Variants in SOX13 observed in about 807,000 individuals in gnomAD.
SOX13 encodes SRY-box transcription factor 13, also known as transcription factor SOX-13.
Under a neutral mutation model 71.8 loss-of-function variants are expected in SOX13, and 28 were observed. That is an observed-to-expected ratio of 0.39 (90% CI 0.29 to 0.53). The LOEUF (loss-of-function observed/expected upper bound fraction) is 0.53, where lower values mean the gene tolerates loss of function less well. Among genes scored for constraint, SOX13 ranks in the 20% least tolerant of loss-of-function variants. The pLI, the probability that SOX13 is intolerant of heterozygous loss-of-function variation, is 0.70. For missense variants in SOX13, 627 were observed against 810.3 expected, an observed-to-expected ratio of 0.77 and a Z score of 2.75; for synonymous variants, 309 against 317.8, an observed-to-expected ratio of 0.97 and a Z score of 0.29.
At chr1:204,083,430 A>G (rs1490063379) in intron 1 of SOX13, among the ~76,000 whole-genome samples, 1 of 152,154 alleles carries the variant, frequency 6.6e-6, no homozygotes, top group Non-Finnish European at 1.5e-5. Context: ...TCCTCAACCC[A>G]CAGGGTCTTC....
chr1:204,116,458 A>G, intron 4 of SOX13, 49 bp from the exon 5 acceptor site: 1 of 1,613,126 alleles, frequency 6.2e-7, no homozygotes, highest in Non-Finnish European at 8.5e-7. Context: ...ATGGATGTAT[A>G]GATGAACAAG....
At chr1:204,122,767 G>C in intron 9 of SOX13, 87 bp from the exon 10 acceptor site, 1 of 795,640 alleles carries the variant, frequency 1.3e-6, no homozygotes, top group Non-Finnish European at 2.0e-6. Flanking sequence ...GTGGCATGGC[G>C]GGAAGCTGAT....
Position 204,125,930 on chromosome 1 carries a change from A to G in SOX13, c.1665A>G (p.Ala555=), listed in dbSNP as rs951746178. ...LYPRAAGMPL[A]QPLVEHYVPR... is the part of the protein sequence containing the mutation. ...CTCGGGCAGCAGGCATGCCGCTGGC[A>G]CAGCCACTGGTGGAGCACTATGTCC... The change falls in exon 14 of 14, where the codon GCA becomes GCG. Residue 555 remains alanine (A), a synonymous_variant. Transcript: ENST00000367204. 3 of 1,613,526 alleles carry G rather than the reference A, an allele frequency of 1.9e-6. No homozygotes were observed. Among genetic ancestry groups the G allele is most frequent in the Non-Finnish European group, 2.5e-6 (3 of 1,179,808 alleles).
chr1:204,098,004 G>A lies in SOX13; in HGVS notation c.-1-14911G>A, dbSNP rs962030536. ...CTCCTTAGTAGCTGGGACTACAGGT[G>A]TGTGCCACCACACCTGGCTAATTTT... On this transcript the variant is annotated intron_variant, in intron 1 of 13. Coordinates refer to ENST00000367204, the MANE Select transcript of SOX13 (RefSeq NM_005686.3). 2.0e-5 allele frequency among the ~76,000 whole-genome samples: 3 copies of A among 152,114 alleles called. No individual in the cohort carries two copies. The South Asian group carries it at 6.2e-4, about 32-fold the overall frequency.
rs771229370 is a variant in SOX13 at position 204,113,022 on chromosome 1, C to T, written c.107C>T (p.Ala36Val). Residue 36 changes from alanine to valine, a missense_variant, in exon 2 of 14, where the codon GCC becomes GTC. Physicochemically the swap from Ala to Val is moderately conservative, Grantham distance 64. Transcript: ENST00000367204. The stretch of plus-strand genomic sequence containing the variant: ...GAGAAGAAAGAGCCTTGCCACGAGG[C>T]CCCCCAGGGCTCAGCCACTGCCGCT... ...SEEKKEPCHE[A>V]PQGSATAAEP... The T allele has an allele frequency of 5.6e-6, 9 of 1,612,514 alleles. No homozygotes were observed. The highest frequency in any genetic ancestry group is 1.1e-5 in the South Asian group (1 of 90,868).
intron 1 of SOX13, among the ~76,000 whole-genome samples, chr1:204,101,213 T>C (rs1219444492): frequency 6.6e-6 from 1 of 152,166 alleles, no homozygotes; most frequent in Admixed American, 6.5e-5. Context: ...TGGACCCATT[T>C]CTCCTGCCTC....
intron 1 of SOX13, among the ~76,000 whole-genome samples, chr1:204,092,333 T>C (rs1656164808): frequency 6.6e-6 from 1 of 152,050 alleles, no homozygotes; most frequent in African/African-American, 2.4e-5. Context: ...TTCTTTTTTT[T>C]TGAGACAAGG....
rs746067165 is a variant in SOX13, at chr1:204,126,096, G to A, written c.1831G>A (p.Glu611Lys). The A allele has an allele frequency of 3.1e-6, 5 of 1,614,010 alleles. No homozygotes were observed. The highest frequency in any genetic ancestry group is 4.2e-6 in the Non-Finnish European group (5 of 1,179,874). Reference sequence around the variant, plus strand: ...CGAGGACGAGGACTCGGAGGGCGAAGAGAAGAGCGATGGGGAGTTGGTGGT... The same window carrying A: ...CGAGGACGAGGACTCGGAGGGCGAAAAGAAGAGCGATGGGGAGTTGGTGGT... ...YSEDEDSEGE[E>K]KSDGELVVLT... The change falls in exon 14 of 14, where the codon GAG (glutamate) becomes AAG (lysine). Residue 611 changes from glutamate (E) to lysine (K), a missense_variant. Physicochemically the swap from Glu to Lys is moderately conservative, Grantham distance 56 (BLOSUM62 1). Around this residue, in one of 3 missense-constraint regions of SOX13, gnomAD observed 148 missense variants for 192.7 expected, o/e 0.77. Transcript: ENST00000367204.
chr1:204,122,355 G>A lies in SOX13; in HGVS notation c.980G>A (p.Gly327Asp). ...GTGCCCCGCCCCCCCAGCCATGGAG[G>A]CCCCACGCGGGACCTGCAGTCCAGC... ...SCVPRPPSHGGPTRDLQSSPP... is the reference protein window; with the variant it reads ...SCVPRPPSHGDPTRDLQSSPP... Residue 327 changes from glycine to aspartate, a missense_variant, in exon 9 of 14, where the codon GGC becomes GAC. Gly to Asp is a moderately conservative substitution (Grantham distance 94). Around this residue, in one of 3 missense-constraint regions of SOX13, gnomAD observed 447 missense variants for 532.2 expected, o/e 0.84. Transcript: ENST00000367204. The A allele has an allele frequency of 6.4e-7, 1 of 1,563,788 alleles. No individual in the cohort carries two copies. The highest frequency in any genetic ancestry group is 8.7e-7 in the Non-Finnish European group (1 of 1,153,760).
intron 1 of SOX13, among the ~76,000 whole-genome samples, chr1:204,102,700 G>T (rs1656385614): frequency 6.6e-6 from 1 of 151,338 alleles, no homozygotes; most frequent in Non-Finnish European, 1.5e-5. Flanking sequence ...TGGGGGAAGG[G>T]GGTGGCGGTG....
At position 204,123,524 on chromosome 1, in the gene SOX13, GCTC is replaced by G. The variant is rs1471133553; in HGVS notation, c.1232-130_1232-128del. On this transcript the variant is annotated intron_variant, in intron 11 of 13. Transcript: ENST00000367204. The surrounding 1 kb of genome is among the most constrained non-coding windows in gnomAD (Gnocchi z 5.0). Reference sequence around the variant, plus strand: ...CTTCTGCCCCATCTGCTCCTGCCTTGCTCCTCCTCGGCTGGCTGCTGTGGGAGC... The same window carrying G: ...CTTCTGCCCCATCTGCTCCTGCCTTGCTCCTCGGCTGGCTGCTGTGGGAGC... The G allele has an allele frequency of 3.4e-6, 3 of 889,806 alleles. No homozygotes were observed. Among genetic ancestry groups the G allele is most frequent in the South Asian group, 1.7e-5 (1 of 57,566 alleles). 55.1% of individuals were successfully genotyped at this position (889,806 alleles called of 1,614,324 possible).
chr1:204,093,863 C>T (rs1296711446), intron 1 of SOX13, among the ~76,000 whole-genome samples: 2 of 152,190 alleles, frequency 1.3e-5, no homozygotes, highest in Non-Finnish European at 2.9e-5. Flanking sequence ...GAGGGGCTTC[C>T]ATATGTGACC....
intron 1 of SOX13, among the ~76,000 whole-genome samples, chr1:204,080,659 A>T (rs1022307194): frequency 6.6e-6 from 1 of 151,912 alleles, no homozygotes; most frequent in East Asian, 1.9e-4. Flanking sequence ...CCCCCAACAA[A>T]GGGGGTGAGG....
chr1:204,097,801 A>G (rs1386273616), intron 1 of SOX13, among the ~76,000 whole-genome samples: 1 of 152,172 alleles, frequency 6.6e-6, no homozygotes, highest in Non-Finnish European at 1.5e-5. Context: ...ATTGTTGTCA[A>G]TGGCCACCTC....
intron 1 of SOX13, among the ~76,000 whole-genome samples, chr1:204,086,805 G>C (rs1656031688): frequency 6.6e-6 from 1 of 152,214 alleles, no homozygotes; most frequent in South Asian, 2.1e-4. Flanking sequence ...AAAGATGTGT[G>C]TGTGCTGGGC....
chr1:204,105,446 C>T (rs943418578), intron 1 of SOX13, among the ~76,000 whole-genome samples: 1 of 135,638 alleles, frequency 7.4e-6, no homozygotes, highest in African/African-American at 3.1e-5. Flanking sequence ...CCCTCAGTCA[C>T]CCAGGCTGGA....
intron 13 of SOX13, among the ~76,000 whole-genome samples, chr1:204,125,538 G>A (rs1464144092): frequency 6.6e-6 from 1 of 152,186 alleles, no homozygotes; most frequent in African/African-American, 2.4e-5. Flanking sequence ...TCTCCAGCAT[G>A]GGTGACAGAG....
chr1:204,098,934 G>A (rs1424995435), intron 1 of SOX13, among the ~76,000 whole-genome samples: 4 of 152,358 alleles, frequency 2.6e-5, no homozygotes, highest in South Asian at 2.1e-4. Flanking sequence ...AGGAGTGAGC[G>A]AAGCTTGTAG....
chr1:204,077,324 G>T lies in SOX13; in HGVS notation c.-2+3613G>T, dbSNP rs944638343. The stretch of plus-strand genomic sequence containing the variant: ...ATGCATCCATCAGAGAGTTTTAAGT[G>T]GGGGAGTGACATGATCTGCTCTATG... On this transcript the variant is annotated intron_variant, in intron 1 of 13. Coordinates refer to ENST00000367204, the MANE Select transcript of SOX13 (RefSeq NM_005686.3). Among the ~76,000 whole-genome samples the T allele has an allele frequency of 3.3e-5, 5 of 152,200 alleles. No individual in the cohort carries two copies. The East Asian group carries it at 9.6e-4, about 29-fold the overall frequency.
Sources: allele counts gnomAD v4.1 joint callset (sites outside exome capture counted in the v4.1 genomes callset), GRCh38; gene constraint gnomAD v4.1.1; regional missense constraint gnomAD v4.1.1; non-coding constraint Gnocchi (gnomAD v3.1); transcripts MANE v1.5; gene names NCBI Gene and HGNC (gene_info 2026-07-23, HGNC 2026-07-21).